SYTL5: variants seen among roughly 807,000 people sequenced by gnomAD.
The protein encoded by SYTL5 is synaptotagmin-like protein 5.
In SYTL5, 34 loss-of-function variants were observed where a neutral mutation model predicts 55.9. That is an observed-to-expected ratio of 0.61 (90% confidence interval 0.46 to 0.81). SYTL5 has a LOEUF of 0.81. SYTL5 is among the 30% of genes least tolerant of loss of function. The pLI is 0.00. For missense variants in SYTL5, 637 were observed against 546.7 expected, an observed-to-expected ratio of 1.17 and a Z score of -1.65; for synonymous variants, 221 against 188.7, an observed-to-expected ratio of 1.17 and a Z score of -1.40.
At chrX:37,944,934 C>T in the SYTL5 span, among the ~76,000 whole-genome samples, 29 of 112,628 alleles carry the variant, frequency 2.6e-4, no homozygotes, top group African/African-American at 8.3e-4. Flanking sequence ...CCAAATTAAA[C>T]TAACTTCCAA....
At chrX:37,927,586 C>T in the SYTL5 span, among the ~76,000 whole-genome samples, 4 of 109,454 alleles carry the variant, frequency 3.7e-5, no homozygotes, top group Non-Finnish European at 7.6e-5. Context: ...CCATCCTGGC[C>T]AACATAGTGA....
chrX:37,910,450 T>C, the SYTL5 span, among the ~76,000 whole-genome samples: 1 of 112,431 alleles, frequency 8.9e-6, no homozygotes, highest in South Asian at 3.7e-4. Context: ...GACTTCAACA[T>C]GTGAATTTGG....
chrX:37,953,140 ATAAAT>A, the SYTL5 span, among the ~76,000 whole-genome samples: 1 of 111,237 alleles, frequency 9.0e-6, no homozygotes, highest in Non-Finnish European at 1.9e-5. Context: ...TAAAAAATAA[ATAAAT>A]TAATTTAAAA....
chrX:38,015,718 T>TA (rs1934330911), intron 1 of SYTL5, among the ~76,000 whole-genome samples: 1 of 111,249 alleles, frequency 9.0e-6, no homozygotes, highest in African/African-American at 3.3e-5. Context: ...TTTTTTTTTT[T>TA]TAGTCTATTC....
chrX:37,938,605 TTCTC>T, the SYTL5 span, among the ~76,000 whole-genome samples: 1 of 111,292 alleles, frequency 9.0e-6, no homozygotes, highest in East Asian at 2.8e-4. Context: ...TTTTGTCATA[TTCTC>T]TCTCTCTGTC....
chrX:37,890,066 A>T, the SYTL5 span, among the ~76,000 whole-genome samples: 1 of 111,360 alleles, frequency 9.0e-6, no homozygotes, highest in Non-Finnish European at 1.9e-5. Context: ...AAGCCCACCA[A>T]GAGTTTTGCC....
chrX:37,952,484 C>T, the SYTL5 span, among the ~76,000 whole-genome samples: 5 of 111,598 alleles, frequency 4.5e-5, no homozygotes, highest in Non-Finnish European at 7.5e-5. Flanking sequence ...CGAAGCAAAT[C>T]ACGTGGATAA....
the SYTL5 span, among the ~76,000 whole-genome samples, chrX:37,991,585 G>A: frequency 9.0e-6 from 1 of 110,909 alleles, no homozygotes; most frequent in Admixed American, 9.5e-5. Flanking sequence ...GGGGGCCTCT[G>A]AGGCTTGTTG....
At chrX:37,958,946 G>A in the SYTL5 span, among the ~76,000 whole-genome samples, 3 of 112,365 alleles carry the variant, frequency 2.7e-5, no homozygotes, top group Admixed American at 9.4e-5. Context: ...ATGTACTGGC[G>A]TGGGAGGGGG....
At chrX:38,070,061 T>C (rs1317379420) in intron 3 of SYTL5, among the ~76,000 whole-genome samples, 1 of 111,679 alleles carries the variant, frequency 9.0e-6, no homozygotes. Flanking sequence ...CAAACTATGG[T>C]CTTACCTTTC....
chrX:37,982,945 A>G, the SYTL5 span, among the ~76,000 whole-genome samples: 117 of 111,572 alleles, frequency 1.0e-3, no homozygotes, highest in African/African-American at 3.5e-3. Context: ...ATAGAACTAT[A>G]TAGAAATAAT....
intron 6 of SYTL5, among the ~76,000 whole-genome samples, chrX:38,087,887 G>A (rs1936694421): frequency 9.0e-6 from 1 of 111,210 alleles, no homozygotes; most frequent in African/African-American, 3.3e-5. Context: ...ATAGCATAGT[G>A]GTATGTCGGT....
intron 15 of SYTL5, among the ~76,000 whole-genome samples, chrX:38,123,930 A>G (rs894539706): frequency 8.9e-6 from 1 of 111,759 alleles, no homozygotes; most frequent in African/African-American, 3.3e-5. Context: ...ATATCCATTA[A>G]CATTAGGTCG....
At chrX:37,904,736 G>A in the SYTL5 span, among the ~76,000 whole-genome samples, 1 of 111,079 alleles carries the variant, frequency 9.0e-6, no homozygotes, top group Non-Finnish European at 1.9e-5. Context: ...CAAAGGGCGA[G>A]TGTTAGGGGA....
At chrX:38,111,672 G>A (rs1395726213) in intron 13 of SYTL5, among the ~76,000 whole-genome samples, 1 of 112,190 alleles carries the variant, frequency 8.9e-6, no homozygotes, top group Non-Finnish European at 1.9e-5. Context: ...TACAGTGGCT[G>A]CAAGCCTTTC....
chrX:37,984,952 A>T, the SYTL5 span, among the ~76,000 whole-genome samples: 1 of 112,260 alleles, frequency 8.9e-6, no homozygotes, highest in African/African-American at 3.2e-5. Flanking sequence ...ATATTCAACA[A>T]GCTAGAAATA....
chrX:37,971,555 A>C, the SYTL5 span, among the ~76,000 whole-genome samples: 1 of 110,941 alleles, frequency 9.0e-6, no homozygotes, highest in Admixed American at 9.6e-5. Flanking sequence ...ACAACAACAA[A>C]AAACCACTGT....
At chrX:37,913,044 G>A in the SYTL5 span, among the ~76,000 whole-genome samples, 1 of 111,955 alleles carries the variant, frequency 8.9e-6, no homozygotes. Context: ...TTGGCTGGGA[G>A]GAGGGCCCTT....
At chrX:37,895,247 G>T in the SYTL5 span, among the ~76,000 whole-genome samples, 1,689 of 112,202 alleles carry the variant, frequency 0.015, 30 homozygotes, top group African/African-American at 0.052. Context: ...TAAGTTCAAA[G>T]CTAGATATAC....
Sources: allele counts gnomAD v4.1 joint callset (sites outside exome capture counted in the v4.1 genomes callset), GRCh38; gene constraint gnomAD v4.1.1; transcripts MANE v1.5; gene names NCBI Gene and HGNC (gene_info 2026-07-23, HGNC 2026-07-21).